PARP11: variants seen among roughly 807,000 people sequenced by gnomAD.
PARP11 encodes the protein poly(ADP-ribose) polymerase family member 11.
In PARP11, 31 loss-of-function variants were observed where a neutral mutation model predicts 42.9. The observed-to-expected ratio is 0.72, with a 90% CI of 0.54 to 0.98. The LOEUF is 0.98. Ranked by LOEUF, PARP11 falls within the 50% of genes least tolerant of loss-of-function variation. The pLI is 0.00. For missense variants in PARP11, 365 were observed against 413.1 expected (o/e 0.88, Z 1.01); for synonymous variants, 137 against 127.3 (o/e 1.08, Z -0.51).
intron 1 of PARP11, among the ~76,000 whole-genome samples, chr12:3,866,429 T>C (rs1262814471): frequency 6.6e-6 from 1 of 152,206 alleles, no homozygotes; most frequent in African/African-American, 2.4e-5. Flanking sequence ...GATTATGAGA[T>C]ATTTCACAGG....
chr12:3,871,982 C>G (rs1401905327), intron 1 of PARP11: 1 of 152,194 alleles, frequency 6.6e-6, no homozygotes, highest in Non-Finnish European at 1.5e-5. Context: ...TAGGATCCCT[C>G]TCCTACAAAG....
rs1947856566 is a variant in PARP11 at position 3,840,145 on chromosome 12, T to C, written c.19-10127A>G. The C allele has an allele frequency of 1.2e-6, 2 of 1,611,106 alleles. No individual in the cohort carries two copies. Among genetic ancestry groups the C allele is most frequent in the African/African-American group, 1.3e-5 (1 of 74,962 alleles). On this transcript the variant is annotated intron_variant, in intron 1 of 7. Coordinates refer to ENST00000228820, the MANE Select transcript of PARP11 (RefSeq NM_020367.6). The surrounding 1 kb of genome is among the most constrained non-coding windows in gnomAD (Gnocchi z 4.4). The stretch of plus-strand genomic sequence containing the variant: ...ACGTGATTATTCCATTGCTGCTGGC[T>C]TACAATATGAAGTTGGAGACAAATG...
chr12:3,839,154 C>G (rs1473495257), intron 1 of PARP11, among the ~76,000 whole-genome samples: 1 of 149,052 alleles, frequency 6.7e-6, no homozygotes, highest in Non-Finnish European at 1.5e-5. Context: ...CTGCCTCGGG[C>G]CGCCGCCGCC....
intron 1 of PARP11, among the ~76,000 whole-genome samples, chr12:3,846,274 T>TAA (rs879620080): frequency 1.4e-5 from 2 of 144,550 alleles, no homozygotes; most frequent in Non-Finnish European, 3.1e-5. Flanking sequence ...TGCATATATT[T>TAA]AAAAAAAAAA....
intron 1 of PARP11, among the ~76,000 whole-genome samples, chr12:3,843,677 T>C (rs1173794374): frequency 5.9e-5 from 9 of 152,356 alleles, no homozygotes; most frequent in Admixed American, 2.6e-4. Context: ...TTCCAGTCTT[T>C]GCAGTATTCA....
chr12:3,846,093 T>C (rs7312656), intron 1 of PARP11, among the ~76,000 whole-genome samples: 44,914 of 152,118 alleles, frequency 0.3, 7,512 homozygotes, highest in East Asian at 0.56. Context: ...AAAAGGAAAC[T>C]AGTACTTTAT....
intron 7 of PARP11, among the ~76,000 whole-genome samples, chr12:3,813,546 T>G (rs1947224935): frequency 2.0e-5 from 3 of 152,256 alleles, no homozygotes; most frequent in Admixed American, 2.0e-4. Flanking sequence ...TGTAACACCT[T>G]CTGACCTCCT....
rs1284365121 is a variant in PARP11 at position 3,810,598 on chromosome 12, AAAAG to A, written c.*1521_*1524del. 1 of 149,220 alleles carries A rather than the reference AAAAG, an allele frequency of 6.7e-6. No individual in the cohort carries two copies. The highest frequency in any genetic ancestry group is 2.5e-5 in the African/African-American group (1 of 40,400). 9.2% of individuals were successfully genotyped at this position (149,220 alleles called of 1,614,324 possible). On this transcript the variant is annotated 3_prime_UTR_variant, in exon 8 of 8. Coordinates refer to ENST00000228820, the MANE Select transcript of PARP11 (RefSeq NM_020367.6). ...GAGCAAGACTCTGCCAAACCAAAAA[AAAAG>A]AAAGAAAAAGAAAAAGGGAGGAGGG... is the stretch of plus-strand genomic sequence containing the variant.
intron 1 of PARP11, chr12:3,872,464 G>A (rs1478238013): frequency 6.2e-6 from 6 of 963,770 alleles, no homozygotes; most frequent in Non-Finnish European, 7.4e-6. Context: ...ATAAATAAAT[G>A]TATAAAAGCA....
intron 6 of PARP11, among the ~76,000 whole-genome samples, chr12:3,817,074 C>T (rs993678548): frequency 2.6e-5 from 4 of 152,090 alleles, no homozygotes; most frequent in African/African-American, 9.7e-5. Context: ...GCCTGTAGTC[C>T]CAGCTACTCA....
rs1031972213 is a variant in PARP11 at position 3,824,593 on chromosome 12, C to T, written c.344+1565G>A. The T allele has an allele frequency of 2.5e-5, 24 of 972,014 alleles. No homozygotes were observed. The South Asian group carries it at 4.8e-4, about 19-fold the overall frequency. The allele number at this position is 972,014 out of a possible 1,614,324, so 60.2% of individuals were successfully genotyped here. A position where few individuals can be genotyped will look rare whatever the true frequency, so the allele number is the denominator to read the frequency against. On this transcript the variant is annotated intron_variant, in intron 4 of 7. Transcript: ENST00000228820. ...TATTGTATCTTACCTAAACAGTCCT[C>T]TCCTTTTATTATTATCTTGCTTATT...
chr12:3,830,499 C>T (rs1425431898), intron 1 of PARP11, among the ~76,000 whole-genome samples: 2 of 152,056 alleles, frequency 1.3e-5, no homozygotes, highest in African/African-American at 2.4e-5. Flanking sequence ...ATAGTATAAT[C>T]CAATTTTAAT....
chr12:3,814,191 A>G lies in PARP11; in HGVS notation c.549-3T>C. ...TTTTCTTGAGCTGAGCCTTTTTCCTAAAAACACAATATACACAGACACAAA... is the reference window on the plus strand; with the variant it reads ...TTTTCTTGAGCTGAGCCTTTTTCCTGAAAACACAATATACACAGACACAAA... On this transcript the variant is annotated splice_region_variant and splice_polypyrimidine_tract_variant and intron_variant, in intron 6 of 7. Coordinates refer to ENST00000228820, the MANE Select transcript of PARP11 (RefSeq NM_020367.6). The G allele has an allele frequency of 6.3e-7, 1 of 1,596,950 alleles. No homozygotes were observed. The highest frequency in any genetic ancestry group is 8.6e-7 in the Non-Finnish European group (1 of 1,169,236).
Position 3,873,287 on chromosome 12 carries a change from G to C in PARP11, c.-58C>G. ...GGGAAGGGGCTAGCCGCGGGGCCTG[G>C]GTGTTGGATTTTTTTTTTTCCCGCG... On this transcript the variant is annotated 5_prime_UTR_variant, in exon 1 of 8. Transcript: ENST00000228820. 6.5e-7 allele frequency: 1 copy of C among 1,535,592 alleles called. No homozygotes were observed. The highest frequency in any genetic ancestry group is 8.8e-7 in the Non-Finnish European group (1 of 1,133,828).
At chr12:3,864,260 C>T (rs924202317) in intron 1 of PARP11, among the ~76,000 whole-genome samples, 1 of 152,152 alleles carries the variant, frequency 6.6e-6, no homozygotes, top group Non-Finnish European at 1.5e-5. Context: ...AAATATTAAA[C>T]CTTGCATTCT....
chr12:3,828,003 G>A (rs1947561693), intron 3 of PARP11, among the ~76,000 whole-genome samples: 1 of 152,178 alleles, frequency 6.6e-6, no homozygotes, highest in African/African-American at 2.4e-5. Flanking sequence ...CAGTTCATCA[G>A]GTTTTTCATG....
Position 3,873,156 on chromosome 12 carries a change from C to A in PARP11, c.18+56G>T, listed in dbSNP as rs1016427613. The A allele has an allele frequency of 2.2e-6, 3 of 1,393,478 alleles. No homozygotes were observed. In the African/African-American group the frequency reaches 4.3e-5, roughly 20 times the overall value. The allele number at this position is 1,393,478 out of a possible 1,614,324, so 86.3% of individuals were successfully genotyped here. ...AAGCAGTTCCGGTGACCCCCTCCCGCCCCTCTCTCATCAACCCCGCCCCCT... is the reference window on the plus strand; with the variant it reads ...AAGCAGTTCCGGTGACCCCCTCCCGACCCTCTCTCATCAACCCCGCCCCCT... On this transcript the variant is annotated intron_variant, in intron 1 of 7. Coordinates refer to ENST00000228820, the MANE Select transcript of PARP11 (RefSeq NM_020367.6).
chr12:3,865,839 G>A lies in PARP11; in HGVS notation c.18+7373C>T. On this transcript the variant is annotated intron_variant, in intron 1 of 7. Coordinates refer to ENST00000228820, the MANE Select transcript of PARP11 (RefSeq NM_020367.6). ...ATTGGGGTGTTTGATCCATTTACATGTAGTATGATTATTGATATGGTTAGC... is the reference window on the plus strand; with the variant it reads ...ATTGGGGTGTTTGATCCATTTACATATAGTATGATTATTGATATGGTTAGC... Among the ~76,000 whole-genome samples, 2 of 147,216 alleles carry A rather than the reference G, an allele frequency of 1.4e-5. 1 individual carries two copies. Among genetic ancestry groups the A allele is most frequent in the Non-Finnish European group, 3.0e-5 (2 of 67,040 alleles).
At chr12:3,832,901 G>C (rs1947674051) in intron 1 of PARP11, among the ~76,000 whole-genome samples, 1 of 152,202 alleles carries the variant, frequency 6.6e-6, no homozygotes, top group South Asian at 2.1e-4. Context: ...ATTTTGTAAA[G>C]TTTCAAGGGC....
Sources: allele counts gnomAD v4.1 joint callset (sites outside exome capture counted in the v4.1 genomes callset), GRCh38; gene constraint gnomAD v4.1.1; non-coding constraint Gnocchi (gnomAD v3.1); transcripts MANE v1.5; gene names NCBI Gene and HGNC (gene_info 2026-07-23, HGNC 2026-07-21).